The following RABEP1 variants were observed in gnomAD, a reference collection of about 807,000 sequenced individuals.
RABEP1 encodes rab GTPase-binding effector protein 1.
Under a neutral mutation model 123.4 loss-of-function variants are expected in RABEP1, and 51 were observed. That is an observed-to-expected ratio of 0.41 (90% confidence interval 0.33 to 0.52). The LOEUF (loss-of-function observed/expected upper bound fraction) is 0.52. Among genes scored for constraint, RABEP1 ranks in the 20% least tolerant of loss-of-function variants. The probability of loss-of-function intolerance (pLI) is 0.16; values close to 1 mark genes in which losing one functional copy is unlikely to be tolerated. For missense variants in RABEP1, 888 were observed against 996.3 expected (o/e 0.89, Z 1.46); for synonymous variants, 347 against 355.2 (o/e 0.98, Z 0.26).
chr17:5,361,118 T>C (rs926302323), intron 8 of RABEP1, 90 bp from the exon 9 acceptor site: 3 of 1,092,210 alleles, frequency 2.7e-6, no homozygotes, highest in Non-Finnish European at 4.0e-6. Context: ...TTATCATGTG[T>C]AATGAGTGGC....
chr17:5,330,839 G>A (rs757772317), intron 2 of RABEP1, among the ~76,000 whole-genome samples: 6 of 151,996 alleles, frequency 3.9e-5, no homozygotes, highest in African/African-American at 7.3e-5. Flanking sequence ...CCTGGGCAGC[G>A]TAGTGAAACT....
At chr17:5,325,491 T>G (rs992538635) in intron 2 of RABEP1, among the ~76,000 whole-genome samples, 1 of 152,086 alleles carries the variant, frequency 6.6e-6, no homozygotes, top group Non-Finnish European at 1.5e-5. Flanking sequence ...CATGAGAAGA[T>G]AGACTAGATT....
intron 6 of RABEP1, 22 bp from the exon 7 acceptor site, chr17:5,350,429 T>C: frequency 1.3e-6 from 2 of 1,587,896 alleles, no homozygotes; most frequent in Non-Finnish European, 8.5e-7. Context: ...TTTTGATTTG[T>C]GGTGGGGGGG....
Position 5,359,598 on chromosome 17 carries a change from A to G in RABEP1, c.1096-1610A>G, listed in dbSNP as rs916589533. On this transcript the variant is annotated intron_variant, in intron 8 of 17. Transcript: ENST00000537505. Reference sequence around the variant, plus strand: ...GTGTTCTTAGCCATTGCAGTTTCAGATGAGTAACAATCTTTAAAAGGAAAG... The same window carrying G: ...GTGTTCTTAGCCATTGCAGTTTCAGGTGAGTAACAATCTTTAAAAGGAAAG... Among the ~76,000 whole-genome samples, 92 of 152,304 alleles carry G rather than the reference A, an allele frequency of 6.0e-4. 2 individuals are homozygous for G. The Middle Eastern group carries it at 0.014, about 23-fold the overall frequency.
At chr17:5,316,978 G>T (rs1163232746) in intron 2 of RABEP1, among the ~76,000 whole-genome samples, 1 of 151,808 alleles carries the variant, frequency 6.6e-6, no homozygotes, top group Non-Finnish European at 1.5e-5. Context: ...TATGTCGGCT[G>T]ACTGCAACCT....
chr17:5,302,550 T>C (rs1057502820), intron 1 of RABEP1, among the ~76,000 whole-genome samples: 4 of 151,706 alleles, frequency 2.6e-5, no homozygotes, highest in African/African-American at 9.7e-5. Context: ...CAGCTTACCT[T>C]AGTCTATAAA....
chr17:5,309,490 C>T (rs1433379758), intron 2 of RABEP1, among the ~76,000 whole-genome samples: 1 of 151,856 alleles, frequency 6.6e-6, no homozygotes, highest in Non-Finnish European at 1.5e-5. Flanking sequence ...CCTGTCTGTA[C>T]TAAAAATACA....
chr17:5,289,753 A>C (rs2075015377), intron 1 of RABEP1, among the ~76,000 whole-genome samples: 1 of 152,084 alleles, frequency 6.6e-6, no homozygotes, highest in South Asian at 2.1e-4. Flanking sequence ...TAGTTGTCTT[A>C]ACGTTTATTC....
intron 12 of RABEP1, among the ~76,000 whole-genome samples, 171 bp from the exon 13 acceptor site, chr17:5,373,143 T>C (rs1389351553): frequency 1.3e-5 from 2 of 152,172 alleles, no homozygotes; most frequent in African/African-American, 2.4e-5. Context: ...TTGTTGAATA[T>C]ATGCTGTAAA....
chr17:5,381,364 T>C (rs758711694), intron 16 of RABEP1, 25 bp from the exon 17 acceptor site: 6 of 1,604,874 alleles, frequency 3.7e-6, no homozygotes, highest in Non-Finnish European at 5.1e-6. Context: ...GGCATTAATC[T>C]TCATTCAAAA....
At chr17:5,325,952 A>T (rs1905932251) in intron 2 of RABEP1, among the ~76,000 whole-genome samples, 1 of 152,220 alleles carries the variant, frequency 6.6e-6, no homozygotes, top group South Asian at 2.1e-4. Context: ...TGAAAAGATT[A>T]TTAGACTGTG....
chr17:5,302,543 C>T (rs900154187), intron 1 of RABEP1, among the ~76,000 whole-genome samples: 3 of 149,984 alleles, frequency 2.0e-5, no homozygotes, highest in African/African-American at 7.4e-5. Flanking sequence ...ACCCGGCCAG[C>T]TTACCTTAGT....
chr17:5,386,220 G>T lies in RABEP1; in HGVS notation c.*2997G>T. The T allele has an allele frequency of 6.2e-7, 1 of 1,613,344 alleles. No individual in the cohort carries two copies. The highest frequency in any genetic ancestry group is 1.1e-5 in the South Asian group (1 of 90,932). On this transcript the variant is annotated 3_prime_UTR_variant, in exon 18 of 18. Transcript: ENST00000537505. ...TCCTGGTGGTGTCAGAAGTTTACAT[G>T]ATTGCGGATATCATTGATTTGCTTC...
chr17:5,321,306 G>C (rs879802414), intron 2 of RABEP1, among the ~76,000 whole-genome samples: 1 of 152,192 alleles, frequency 6.6e-6, no homozygotes, highest in Non-Finnish European at 1.5e-5. Context: ...AGCCAGATGT[G>C]GTGGCATGTG....
Position 5,384,101 on chromosome 17 carries a change from T to G in RABEP1, c.*878T>G, listed in dbSNP as rs892331130. 4.7e-6 allele frequency: 1 copy of G among 214,264 alleles called. No individual in the cohort carries two copies. The highest frequency in any genetic ancestry group is 9.4e-6 in the Non-Finnish European group (1 of 106,108). The allele number at this position is 214,264 out of a possible 1,614,324, so 13.3% of individuals were successfully genotyped here. A position where few individuals can be genotyped will look rare whatever the true frequency, so the allele number is the denominator to read the frequency against. On this transcript the variant is annotated 3_prime_UTR_variant, in exon 18 of 18. Transcript: ENST00000537505. ...AGGCTAATTTTTCAACTTGGATCATTAGGCTTACGTACTACTTGTTTCAAA... is the reference window on the plus strand; with the variant it reads ...AGGCTAATTTTTCAACTTGGATCATGAGGCTTACGTACTACTTGTTTCAAA...
chr17:5,361,844 G>A (rs886229879), intron 9 of RABEP1, 169 bp downstream of exon 9: 6 of 603,984 alleles, frequency 9.9e-6, no homozygotes, highest in Non-Finnish European at 1.7e-5. Flanking sequence ...TCTGCCTTGG[G>A]TATTCCAGGT....
rs1018094167 is a variant in RABEP1, at chr17:5,359,295, T to C, written c.1096-1913T>C. ...TTCACCATGCTAGCCAGAATGGTCT[T>C]GATCTCCTGACCTTGTGATCTGCCC... is the stretch of plus-strand genomic sequence containing the variant. On this transcript the variant is annotated intron_variant, in intron 8 of 17. Coordinates refer to ENST00000537505, the MANE Select transcript of RABEP1 (RefSeq NM_004703.6). Among the ~76,000 whole-genome samples the C allele has an allele frequency of 1.1e-4, 16 of 152,228 alleles. No homozygotes were observed. In the Middle Eastern group the frequency reaches 0.014, roughly 129 times the overall value.
intron 2 of RABEP1, among the ~76,000 whole-genome samples, chr17:5,323,168 A>G (rs1257455375): frequency 6.6e-6 from 1 of 152,196 alleles, no homozygotes; most frequent in Non-Finnish European, 1.5e-5. Context: ...TCTTTATGAT[A>G]CAAACCCTCA....
At chr17:5,337,882 AG>A in intron 4 of RABEP1, 136 bp from the exon 5 acceptor site, 2 of 794,162 alleles carry the variant, frequency 2.5e-6, no homozygotes, top group Non-Finnish European at 1.8e-6. Flanking sequence ...GTTAGACATT[AG>A]TTCAGTTTTG....
Sources: gnomAD v4.1 joint callset for allele counts (sites outside exome capture counted in the v4.1 genomes callset) on GRCh38, gnomAD v4.1.1 for gene constraint, MANE v1.5 for transcripts, NCBI Gene and HGNC (gene_info 2026-07-23, HGNC 2026-07-21) for gene names.